SNRPN: variants seen among roughly 807,000 people sequenced by gnomAD.
SNRPN encodes the protein small nuclear ribonucleoprotein-associated protein N.
SNRPN carries 7 observed loss-of-function variants against 25.2 expected under a neutral mutation model. The ratio of observed to expected loss-of-function variants is 0.28; its 90% CI spans 0.16 to 0.52. The LOEUF is 0.52. Ranked by LOEUF, SNRPN falls within the 20% of genes least tolerant of loss-of-function variation. The probability of loss-of-function intolerance (pLI) is 0.96; values close to 1 mark genes in which losing one functional copy is unlikely to be tolerated. For synonymous variants in SNRPN, 124 were observed against 110.6 expected (o/e 1.12, Z -0.76); for missense variants, 196 against 322.5 (o/e 0.61, Z 3.00).
At chr15:24,878,930 G>C (rs2056303049) in intron 1 of SNRPN, among the ~76,000 whole-genome samples, 1 of 151,366 alleles carries the variant, frequency 6.6e-6, no homozygotes, top group Non-Finnish European at 1.5e-5. Context: ...GAGGCTTCAG[G>C]GTCACACTTT....
chr15:24,924,581 G>T (rs1895044918), intron 3 of SNRPN, among the ~76,000 whole-genome samples: 2 of 151,956 alleles, frequency 1.3e-5, no homozygotes, highest in South Asian at 4.1e-4. Flanking sequence ...ATATTTTGGG[G>T]TGGAGATCCT....
Position 24,976,952 on chromosome 15 carries a change from C to T in SNRPN, c.343C>T (p.Pro115Ser). Residue 115 changes from proline to serine, a missense_variant, in exon 7 of 10, where the codon CCA (proline) becomes TCA (serine). By Grantham distance (74) the Pro-to-Ser change is moderately conservative. Transcript: ENST00000390687. The part of the protein sequence containing the change: ...GVGRAAGRGV[P>S]AGVPIPQAPA... ...TGGTAGGGCAGCTGGTAGAGGAGTA[C>T]CAGCTGGTGTGCCAATTCCCCAGGC... is the stretch of plus-strand genomic sequence containing the variant. 1 of 1,606,496 alleles carries T rather than the reference C, an allele frequency of 6.2e-7. No homozygotes were observed. The highest frequency in any genetic ancestry group is 8.5e-7 in the Non-Finnish European group (1 of 1,177,482).
intron 2 of SNRPN, among the ~76,000 whole-genome samples, chr15:24,895,968 A>G (rs996766304): frequency 6.6e-6 from 1 of 152,218 alleles, no homozygotes; most frequent in Admixed American, 6.5e-5. Flanking sequence ...TGTTATTCCC[A>G]TGTAAGACCT....
upstream of SNRPN, among the ~76,000 whole-genome samples, chr15:24,950,874 A>T (rs569364835): frequency 0.03 from 4,122 of 136,262 alleles, 211 homozygotes; most frequent in African/African-American, 0.11. Flanking sequence ...TTTTTTTTTT[A>T]AATTTGAAAC....
intron 3 of SNRPN, among the ~76,000 whole-genome samples, chr15:24,946,938 CAT>C (rs1596080911): frequency 6.6e-6 from 1 of 152,286 alleles, no homozygotes; most frequent in East Asian, 1.9e-4. Flanking sequence ...GAGCTGCTCA[CAT>C]AGAGTGCAGA....
intron 1 of SNRPN, among the ~76,000 whole-genome samples, chr15:24,870,631 T>C (rs1285894357): frequency 6.7e-6 from 1 of 149,460 alleles, no homozygotes; most frequent in Non-Finnish European, 1.5e-5. Context: ...TAAAGTACAG[T>C]GCTCATAGAC....
chr15:24,901,877 T>A (rs1273633389), intron 2 of SNRPN, among the ~76,000 whole-genome samples: 1 of 152,092 alleles, frequency 6.6e-6, no homozygotes, highest in African/African-American at 2.4e-5. Flanking sequence ...GGCGCACCAA[T>A]TACAAAGGAA....
At chr15:24,978,149 A>T in intron 8 of SNRPN, 44 bp from the exon 9 acceptor site, 1 of 1,591,852 alleles carries the variant, frequency 6.3e-7, no homozygotes, top group South Asian at 1.1e-5. Flanking sequence ...TAACTTTTCT[A>T]AGCCATTTTA....
chr15:24,943,162 CT>C (rs2061663526), intron 3 of SNRPN, among the ~76,000 whole-genome samples: 1 of 152,104 alleles, frequency 6.6e-6, no homozygotes, highest in Admixed American at 6.6e-5. Context: ...TGACCACGGC[CT>C]ATAAATTGGT....
At chr15:24,893,578 A>G (rs530325158) in intron 2 of SNRPN, among the ~76,000 whole-genome samples, 22 of 152,236 alleles carry the variant, frequency 1.4e-4, no homozygotes, top group Middle Eastern at 6.8e-3. Flanking sequence ...TGATTGTGCC[A>G]CTACACTCCA....
intron 2 of SNRPN, chr15:24,909,743 T>G (rs2059090081): frequency 8.0e-7 from 1 of 1,254,918 alleles, no homozygotes; most frequent in African/African-American, 1.5e-5. Context: ...GTAATCAGTT[T>G]TACCCTCTCA....
intron 2 of SNRPN, among the ~76,000 whole-genome samples, chr15:24,834,751 C>CTCTCTCTCTCTCTCTCTCTATATATA: frequency 4.9e-5 from 3 of 60,956 alleles, no homozygotes; most frequent in Non-Finnish European, 6.6e-5. Flanking sequence ...CTCTCTCTCT[C>CTCTCTCTCTCTCTCTCTCTATATATA]TATATATATA....
intron 2 of SNRPN, among the ~76,000 whole-genome samples, chr15:24,888,111 A>AC (rs1391217886): frequency 2.5e-5 from 3 of 121,520 alleles, no homozygotes; most frequent in Non-Finnish European, 5.6e-5. Context: ...ATTAGAAATG[A>AC]CTTTTTTTTT....
chr15:24,895,385 G>GA (rs112074511), intron 2 of SNRPN, among the ~76,000 whole-genome samples: 47 of 133,250 alleles, frequency 3.5e-4, no homozygotes, highest in African/African-American at 1.3e-3. Flanking sequence ...GAGCATTACA[G>GA]AAAAAATACA....
chr15:24,902,684 C>A (rs1027667285), intron 2 of SNRPN, among the ~76,000 whole-genome samples: 4 of 152,144 alleles, frequency 2.6e-5, no homozygotes, highest in African/African-American at 7.2e-5. Flanking sequence ...AGCCACAGAC[C>A]TTCGCAGTCA....
At chr15:24,978,113 C>T in intron 8 of SNRPN, 80 bp from the exon 9 acceptor site, 1 of 1,446,198 alleles carries the variant, frequency 6.9e-7, no homozygotes, top group South Asian at 1.2e-5. Flanking sequence ...TGGCCCATTT[C>T]TTTAGGGATT....
At chr15:24,859,029 C>A (rs914314376) in intron 1 of SNRPN, among the ~76,000 whole-genome samples, 2 of 152,038 alleles carry the variant, frequency 1.3e-5, no homozygotes, top group African/African-American at 4.8e-5. Context: ...CCCCTCTCTC[C>A]CTTATGTGCC....
At position 24,914,031 on chromosome 15, in the gene SNRPN, C is replaced by G. The variant is rs115365228; in HGVS notation, c.-504-5980C>G. On this transcript the variant is annotated intron_variant, in intron 2 of 11. Coordinates refer to the SNRPN transcript ENST00000400097. ...TCCTTTGGTATCATTTCCAGGCTGA[C>G]CAGGGTCTAAAGTTTTCTTCAGTGG... Among the ~76,000 whole-genome samples the G allele has an allele frequency of 2.3e-3, 353 of 152,228 alleles. 2 individuals carry two copies. The highest frequency in any genetic ancestry group is 7.8e-3 in the African/African-American group (326 of 41,548).
At chr15:24,894,661 T>C (rs1459034750) in intron 2 of SNRPN, among the ~76,000 whole-genome samples, 1 of 152,236 alleles carries the variant, frequency 6.6e-6, no homozygotes, top group East Asian at 1.9e-4. Flanking sequence ...ATAATTTTTT[T>C]CCTATCCATC....
Sources: gnomAD v4.1 joint callset for allele counts (sites outside exome capture counted in the v4.1 genomes callset) on GRCh38, gnomAD v4.1.1 for gene constraint, MANE v1.5 for transcripts, NCBI Gene and HGNC (gene_info 2026-07-23, HGNC 2026-07-21) for gene names.